B4GALT1: variants seen among roughly 807,000 people sequenced by gnomAD.
B4GALT1 encodes beta-1,4-galactosyltransferase 1.
B4GALT1 carries 16 observed loss-of-function variants against 34.9 expected under a neutral mutation model. The ratio of observed to expected loss-of-function variants is 0.46; its 90% CI spans 0.31 to 0.70. The LOEUF (loss-of-function observed/expected upper bound fraction) is 0.70, where lower values mean the gene tolerates loss of function less well. Ranked by LOEUF, B4GALT1 falls within the 30% of genes least tolerant of loss-of-function variation. The pLI, the probability that B4GALT1 is intolerant of heterozygous loss-of-function variation, is 0.05. For missense variants in B4GALT1, 445 were observed against 530.5 expected (o/e 0.84, Z 1.58); for synonymous variants, 221 against 218.1 (o/e 1.01, Z -0.12).
At chr9:33,145,190 C>G (rs1840408138) in intron 1 of B4GALT1, among the ~76,000 whole-genome samples, 1 of 152,054 alleles carries the variant, frequency 6.6e-6, no homozygotes, top group Non-Finnish European at 1.5e-5. Flanking sequence ...GCTACAGCCA[C>G]CACCCCCCAA....
chr9:33,173,017 T>C, the B4GALT1 span, among the ~76,000 whole-genome samples: 3 of 152,110 alleles, frequency 2.0e-5, no homozygotes, highest in Admixed American at 6.5e-5. Flanking sequence ...CTGAGCATGG[T>C]AGGAAGTCTC....
intron 1 of B4GALT1, among the ~76,000 whole-genome samples, chr9:33,157,604 G>A (rs936537323): frequency 2.0e-5 from 3 of 152,082 alleles, no homozygotes; most frequent in African/African-American, 7.2e-5. Flanking sequence ...ATTGGAATAT[G>A]TATGCATTTG....
rs574929088 is a variant in B4GALT1 at position 33,116,234 on chromosome 9, T to G, written c.837-121A>C. On this transcript the variant is annotated intron_variant, in intron 3 of 5. Transcript: ENST00000379731. ...TATTCTTTTTGCTTCTCTAGAGTTT[T>G]TATTTATTTTTTTTTTGAGACGTAG... 2.0e-3 allele frequency: 2,439 copies of G among 1,214,578 alleles called. 7 individuals are homozygous for G. The highest frequency in any genetic ancestry group is 2.4e-3 in the Non-Finnish European group (2,188 of 923,176). The allele number at this position is 1,214,578 out of a possible 1,614,324, so 75.2% of individuals were successfully genotyped here.
chr9:33,129,132 G>A (rs1278964870), intron 2 of B4GALT1, among the ~76,000 whole-genome samples: 1 of 152,058 alleles, frequency 6.6e-6, no homozygotes, highest in Admixed American at 6.6e-5. Flanking sequence ...CTTACCTGTG[G>A]AGCCTTCCCT....
intron 2 of B4GALT1, among the ~76,000 whole-genome samples, chr9:33,128,289 A>G (rs1198751773): frequency 1.3e-5 from 2 of 152,214 alleles, no homozygotes; most frequent in African/African-American, 4.8e-5. Context: ...TGCAAGGGAG[A>G]GAGGTGAGGA....
At chr9:33,129,501 G>C (rs1394301621) in intron 2 of B4GALT1, among the ~76,000 whole-genome samples, 1 of 152,176 alleles carries the variant, frequency 6.6e-6, no homozygotes, top group African/African-American at 2.4e-5. Context: ...CCAGGAGTAG[G>C]GAGTCCTGAG....
chr9:33,115,977 G>T lies in B4GALT1; in HGVS notation c.959+14C>A. ...GTTGACAGAGGAGAAAGATATCTAA[G>T]TTATGACCATTACCTGTTAAAAATG... is the stretch of plus-strand genomic sequence containing the variant. On this transcript the variant is annotated intron_variant, in intron 4 of 5. Coordinates refer to ENST00000379731, the MANE Select transcript of B4GALT1 (RefSeq NM_001497.4). 6.2e-7 allele frequency: 1 copy of T among 1,607,824 alleles called. No individual in the cohort carries two copies. The highest frequency in any genetic ancestry group is 8.5e-7 in the Non-Finnish European group (1 of 1,175,772).
chr9:33,117,032 T>C (rs1280364589), intron 3 of B4GALT1, among the ~76,000 whole-genome samples: 1 of 152,234 alleles, frequency 6.6e-6, no homozygotes, highest in Non-Finnish European at 1.5e-5. Flanking sequence ...CAGTTCTTCC[T>C]GAGTGGCTCA....
intron 1 of B4GALT1, among the ~76,000 whole-genome samples, chr9:33,150,719 A>G (rs193165442): frequency 5.4e-4 from 83 of 152,324 alleles, no homozygotes; most frequent in African/African-American, 2.0e-3. Flanking sequence ...AGCCAATTTT[A>G]TTGTAGGTTA....
In B4GALT1 at chr9:33,110,680, A is replaced by C. The variant is rs1839843547; in HGVS notation, c.*2774T>G. 1 of 152,216 alleles carries C rather than the reference A, an allele frequency of 6.6e-6. No individual in the cohort carries two copies. Among genetic ancestry groups the C allele is most frequent in the Non-Finnish European group, 1.5e-5 (1 of 68,044 alleles). 9.4% of individuals were successfully genotyped at this position (152,216 alleles called of 1,614,324 possible). ...GTCATTTATTCACGTTATATTATTT[A>C]ATTTTAAAGGCAAAAATACAGTTCT... On this transcript the variant is annotated 3_prime_UTR_variant, in exon 6 of 6. Coordinates refer to ENST00000379731, the MANE Select transcript of B4GALT1 (RefSeq NM_001497.4).
In B4GALT1 at chr9:33,116,412, C is replaced by T. The variant is rs529805887; in HGVS notation, c.837-299G>A. Among the ~76,000 whole-genome samples, 6 of 151,262 alleles carry T rather than the reference C, an allele frequency of 4.0e-5. No homozygotes were observed. The South Asian group carries it at 8.3e-4, about 21-fold the overall frequency. On this transcript the variant is annotated intron_variant, in intron 3 of 5. Transcript: ENST00000379731. ...ACGCCCAGCTAATTTTTAGTAGAGA[C>T]AGGGTTTCACCATGTTGGTCAGGAT... is the stretch of plus-strand genomic sequence containing the variant.
intron 2 of B4GALT1, among the ~76,000 whole-genome samples, chr9:33,127,504 A>G (rs1840130021): frequency 1.3e-5 from 2 of 152,228 alleles, no homozygotes; most frequent in Admixed American, 1.3e-4. Context: ...CCATATCTGA[A>G]CCCATAATCC....
intron 1 of B4GALT1, among the ~76,000 whole-genome samples, chr9:33,153,990 AGGGAG>A (rs1468918302): frequency 8.4e-6 from 1 of 119,718 alleles, no homozygotes; most frequent in Admixed American, 1.0e-4. Context: ...GGGGAAAAGA[AGGGAG>A]GGGAGGGGAG....
chr9:33,111,276 A>AAAAAAAAAAAAC lies in B4GALT1; in HGVS notation c.*2177_*2178insGTTTTTTTTTTT, dbSNP rs1564033760. 9.3e-4 allele frequency: 99 copies of AAAAAAAAAAAAC among 106,002 alleles called. 3 individuals carry two copies. Among genetic ancestry groups the AAAAAAAAAAAAC allele is most frequent in the Non-Finnish European group, 1.6e-3 (80 of 49,210 alleles). 6.6% of individuals were successfully genotyped at this position (106,002 alleles called of 1,614,324 possible). ...AAAAAAAAAAAAAAAAAAAAAAAAA[A>AAAAAAAAAAAAC]AACAACAAGAAAAGGTAGAGTTTGG... On this transcript the variant is annotated 3_prime_UTR_variant, in exon 6 of 6. Transcript: ENST00000379731.
intron 1 of B4GALT1, among the ~76,000 whole-genome samples, chr9:33,142,470 A>G (rs1029274628): frequency 3.3e-5 from 5 of 152,174 alleles, no homozygotes; most frequent in African/African-American, 1.2e-4. Flanking sequence ...GTGACCAGAA[A>G]ACAGGAATAG....
chr9:33,167,912 G>T (rs958708238), upstream of B4GALT1, among the ~76,000 whole-genome samples: 2 of 152,232 alleles, frequency 1.3e-5, no homozygotes, highest in Non-Finnish European at 2.9e-5. Flanking sequence ...CTTAACGGGG[G>T]GTCCTGCGGC....
chr9:33,126,033 T>C (rs1331799028), intron 2 of B4GALT1, among the ~76,000 whole-genome samples: 1 of 152,150 alleles, frequency 6.6e-6, no homozygotes, highest in East Asian at 1.9e-4. Context: ...AGAGACACTG[T>C]TGCTCCTATA....
At chr9:33,116,415 G>T (rs954036444) in intron 3 of B4GALT1, among the ~76,000 whole-genome samples, 3 of 151,234 alleles carry the variant, frequency 2.0e-5, no homozygotes, top group African/African-American at 7.3e-5. Flanking sequence ...GTAGAGACAG[G>T]GTTTCACCAT....
At chr9:33,167,452 T>G (rs867494734), upstream of B4GALT1, 3 of 121,816 alleles carry the variant, frequency 2.5e-5, no homozygotes, top group Non-Finnish European at 3.4e-5. Context: ...GGGCAGCCCG[T>G]GGCGGGATGG....
Sources: allele counts gnomAD v4.1 joint callset (sites outside exome capture counted in the v4.1 genomes callset), GRCh38; gene constraint gnomAD v4.1.1; transcripts MANE v1.5; gene names NCBI Gene and HGNC (gene_info 2026-07-23, HGNC 2026-07-21).